The following MAPT variants were observed in gnomAD, a reference collection of about 807,000 sequenced individuals.
The protein encoded by MAPT is microtubule associated protein tau.
A neutral mutation model predicts 67.9 loss-of-function variants in MAPT; 34 were observed. That is an observed-to-expected ratio of 0.50 (90% CI 0.38 to 0.67). The LOEUF is 0.67. MAPT is among the 30% of genes least tolerant of loss of function. MAPT has a pLI of 0.00. For missense variants in MAPT, 881 were observed against 1,115.2 expected (o/e 0.79, Z 2.99); for synonymous variants, 456 against 464.5 (o/e 0.98, Z 0.23).
rs557063231 is a variant in MAPT, at chr17:45,961,786, T to G, written c.-17-535T>G. Among the ~76,000 whole-genome samples, 335 of 151,724 alleles carry G rather than the reference T, an allele frequency of 2.2e-3. 2 individuals carry two copies. The highest frequency in any genetic ancestry group is 7.7e-3 in the African/African-American group (318 of 41,394). The stretch of plus-strand genomic sequence containing the variant: ...GGTTTATTTGTTTTGTTTTTTTTTT[T>G]TTGTTTTGAGACAGAGTTTCACCCT... On this transcript the variant is annotated intron_variant, in intron 1 of 12. Transcript: ENST00000262410.
intron 1 of MAPT, among the ~76,000 whole-genome samples, chr17:45,939,328 G>T (rs908486607): frequency 6.6e-6 from 1 of 152,116 alleles, no homozygotes; most frequent in Admixed American, 6.5e-5. Flanking sequence ...ACTAAATGAG[G>T]ATACAAGTAA....
intron 1 of MAPT, among the ~76,000 whole-genome samples, chr17:45,912,540 C>T (rs956966930): frequency 3.3e-5 from 5 of 152,186 alleles, no homozygotes; most frequent in African/African-American, 1.2e-4. Flanking sequence ...AGTCCAGGAA[C>T]CAATTCTCTC....
At chr17:45,997,267 C>G (rs1000350750) in intron 9 of MAPT, among the ~76,000 whole-genome samples, 1 of 152,162 alleles carries the variant, frequency 6.6e-6, no homozygotes, top group Non-Finnish European at 1.5e-5. Flanking sequence ...CTGTGCCCCT[C>G]GTCTGGGTGC....
At chr17:45,991,317 A>G (rs2074036946) in intron 7 of MAPT, 143 bp from the exon 8 acceptor site, 1 of 984,592 alleles carries the variant, frequency 1.0e-6, no homozygotes, top group Admixed American at 1.9e-5. Flanking sequence ...TGTAGCAGAC[A>G]CTAGTGGCAT....
At chr17:45,988,503 GC>G (rs895023859) in intron 6 of MAPT, among the ~76,000 whole-genome samples, 21 of 151,666 alleles carry the variant, frequency 1.4e-4, no homozygotes, top group African/African-American at 4.1e-4. Context: ...TGGTTCCAGG[GC>G]CCCCCCCAGC....
chr17:45,928,354 C>A (rs1347769129), intron 1 of MAPT, among the ~76,000 whole-genome samples: 1 of 152,190 alleles, frequency 6.6e-6, no homozygotes, highest in Non-Finnish European at 1.5e-5. Context: ...TCCTTCAGGT[C>A]TCAGCAGAAA....
Position 45,991,513 on chromosome 17 carries a change from C to A in MAPT, c.1659C>A (p.Gly553=). ...CACCGCGGGGAGCAGCCCCTCCAGGCCAGAAGGGCCAGGCCAACGCCACCA... is the reference window on the plus strand; with the variant it reads ...CACCGCGGGGAGCAGCCCCTCCAGGACAGAAGGGCCAGGCCAACGCCACCA... ...IATPRGAAPP[G]QKGQANATRI... Residue 553 remains glycine (G), a synonymous_variant, in exon 8 of 13, where the codon GGC becomes GGA. Transcript: ENST00000262410. 1.2e-6 allele frequency: 2 copies of A among 1,614,202 alleles called. No individual in the cohort carries two copies. Among genetic ancestry groups the A allele is most frequent in the Non-Finnish European group, 1.7e-6 (2 of 1,180,042 alleles).
chr17:45,917,282 C>T (rs17649553), intron 1 of MAPT, among the ~76,000 whole-genome samples: 21,868 of 152,224 alleles, frequency 0.14, 2,141 homozygotes, highest in Non-Finnish European at 0.22. Context: ...GAGTAACCAA[C>T]GCTAAGGTCG....
At chr17:46,015,862 A>T (rs2076144977) in intron 11 of MAPT, among the ~76,000 whole-genome samples, 1 of 152,146 alleles carries the variant, frequency 6.6e-6, no homozygotes, top group Non-Finnish European at 1.5e-5. Flanking sequence ...TACCCACAAA[A>T]ATTAAAAAAA....
intron 11 of MAPT, among the ~76,000 whole-genome samples, chr17:46,017,872 G>A (rs1288718723): frequency 1.3e-5 from 2 of 151,194 alleles, no homozygotes; most frequent in Non-Finnish European, 3.0e-5. Context: ...TGGGCCGGGC[G>A]CAGTGGCTCA....
At chr17:45,949,460 G>C (rs2068843449) in intron 1 of MAPT, among the ~76,000 whole-genome samples, 1 of 152,226 alleles carries the variant, frequency 6.6e-6, no homozygotes, top group Admixed American at 6.5e-5. Flanking sequence ...TTGCTCTGTT[G>C]GGAAGGCACC....
intron 5 of MAPT, among the ~76,000 whole-genome samples, chr17:45,984,986 G>A (rs912907402): frequency 2.0e-5 from 3 of 152,208 alleles, no homozygotes; most frequent in African/African-American, 7.2e-5. Flanking sequence ...ACTTTGAAAT[G>A]CTATAAAGAA....
intron 1 of MAPT, among the ~76,000 whole-genome samples, chr17:45,950,787 C>G (rs796796313): frequency 6.6e-6 from 1 of 152,038 alleles, no homozygotes; most frequent in Non-Finnish European, 1.5e-5. Context: ...CTCAGCCTCC[C>G]GAGTAGCTGA....
intron 1 of MAPT, among the ~76,000 whole-genome samples, chr17:45,951,543 AC>A (rs2069082954): frequency 6.6e-6 from 1 of 150,738 alleles, no homozygotes; most frequent in South Asian, 2.1e-4. Flanking sequence ...CTCTCTCTCA[AC>A]CCTGCAGACA....
chr17:45,924,835 C>T (rs2066123847), intron 1 of MAPT, among the ~76,000 whole-genome samples: 1 of 152,184 alleles, frequency 6.6e-6, no homozygotes, highest in African/African-American at 2.4e-5. Context: ...GGTAACATTG[C>T]TGCTGTGTCC....
At chr17:45,963,866 A>G (rs1475206339) in intron 2 of MAPT, among the ~76,000 whole-genome samples, 2 of 152,074 alleles carry the variant, frequency 1.3e-5, no homozygotes, top group African/African-American at 4.8e-5. Flanking sequence ...TCAGATTTCT[A>G]TCTGTTGAAT....
rs533251566 is a variant in MAPT, at chr17:46,026,675, G to C, written c.*2504G>C. 14 of 152,544 alleles carry C rather than the reference G, an allele frequency of 9.2e-5. No homozygotes were observed. Among genetic ancestry groups the C allele is most frequent in the African/African-American group, 3.4e-4 (14 of 41,566 alleles). 9.4% of individuals were successfully genotyped at this position (152,544 alleles called of 1,614,324 possible). A position where few individuals can be genotyped will look rare whatever the true frequency, so the allele number is the denominator to read the frequency against. ...GGGATGAATTGCCTGTCCTGGATCT[G>C]CTCTAGAGGCCCAAGCTGCCTGCCT... On this transcript the variant is annotated 3_prime_UTR_variant, in exon 13 of 13. Transcript: ENST00000262410.
intron 3 of MAPT, chr17:45,972,170 C>A: frequency 5.8e-6 from 4 of 685,890 alleles, no homozygotes; most frequent in South Asian, 3.0e-5. Flanking sequence ...AGGCAGCCAC[C>A]CTTGGACAGT....
intron 1 of MAPT, among the ~76,000 whole-genome samples, chr17:45,929,111 C>A (rs546903424): frequency 8.7e-4 from 132 of 152,074 alleles, no homozygotes; most frequent in African/African-American, 3.0e-3. Context: ...ATAAATAAAC[C>A]CCAAAAAATT....
Sources: gnomAD v4.1 joint callset for allele counts (sites outside exome capture counted in the v4.1 genomes callset) on GRCh38, gnomAD v4.1.1 for gene constraint, MANE v1.5 for transcripts, NCBI Gene and HGNC (gene_info 2026-07-23, HGNC 2026-07-21) for gene names.